Variants in TSPAN9 observed in about 807,000 individuals in gnomAD.
TSPAN9 encodes tetraspanin 9.
In TSPAN9, 16 loss-of-function variants were observed where a neutral mutation model predicts 31.0. The observed-to-expected ratio is 0.52, with a 90% CI of 0.35 to 0.78. TSPAN9 has a LOEUF of 0.78. Among genes scored for constraint, TSPAN9 ranks in the 30% least tolerant of loss-of-function variants. The pLI is 0.01. For synonymous variants in TSPAN9, 145 were observed against 121.6 expected (o/e 1.19, Z -1.27); for missense variants, 272 against 312.5 (o/e 0.87, Z 0.98).
intron 3 of TSPAN9, among the ~76,000 whole-genome samples, chr12:3,275,195 G>A (rs1220218540): frequency 6.6e-6 from 1 of 152,200 alleles, no homozygotes; most frequent in Non-Finnish European, 1.5e-5. Context: ...GAGCATCCCA[G>A]CACTTATCCC....
rs928639039 is a variant in TSPAN9, at chr12:3,170,235, TG to T, written c.-17-30941del. Among the ~76,000 whole-genome samples the T allele has an allele frequency of 4.1e-4, 62 of 152,234 alleles. 1 individual carries two copies. Among genetic ancestry groups the T allele is most frequent in the African/African-American group, 1.4e-3 (60 of 41,546 alleles). On this transcript the variant is annotated intron_variant, in intron 2 of 8. Coordinates refer to ENST00000011898, the MANE Select transcript of TSPAN9 (RefSeq NM_006675.5). This position sits in a 1 kb window ranked among gnomAD's most constrained non-coding sequence, Gnocchi z 4.4. ...TCTCTCCCATCCATCTCGTTTATGG[TG>T]TTTACAGGGAATATTCTGCACTGAT...
chr12:3,217,300 G>C (rs1565617963), intron 3 of TSPAN9, among the ~76,000 whole-genome samples: 1 of 152,210 alleles, frequency 6.6e-6, no homozygotes, highest in Non-Finnish European at 1.5e-5. Flanking sequence ...GTTGGCTGGG[G>C]TTGGGCTTAG....
At chr12:3,276,233 C>G (rs866899649) in intron 3 of TSPAN9, among the ~76,000 whole-genome samples, 1 of 152,334 alleles carries the variant, frequency 6.6e-6, no homozygotes, top group East Asian at 1.9e-4. Context: ...TCCCTCGGGC[C>G]CTCCCGCGGT....
intron 2 of TSPAN9, among the ~76,000 whole-genome samples, chr12:3,131,268 T>C (rs11610253): frequency 0.51 from 77,392 of 151,594 alleles, 21,917 homozygotes; most frequent in Admixed American, 0.61. Context: ...CACCGCGTGG[T>C]TGAGTAAATA....
chr12:3,156,388 C>T (rs1016314495), intron 2 of TSPAN9, among the ~76,000 whole-genome samples: 1 of 152,008 alleles, frequency 6.6e-6, no homozygotes, highest in Non-Finnish European at 1.5e-5. Context: ...GGTGGGGAGT[C>T]GGGGGGCCAG....
At position 3,201,181 on chromosome 12, in the gene TSPAN9, T is replaced by C. The variant is rs1349400658; in HGVS notation, c.-13T>C. 1 of 1,614,036 alleles carries C rather than the reference T, an allele frequency of 6.2e-7. No individual in the cohort carries two copies. The highest frequency in any genetic ancestry group is 1.1e-5 in the South Asian group (1 of 91,080). On this transcript the variant is annotated 5_prime_UTR_variant, in exon 3 of 9. Transcript: ENST00000011898. ...TGTCCTTTGTGTTCCTCCTAGAATT[T>C]AAGAAGTGCAACATGGCCAGGGGCT...
intron 2 of TSPAN9, among the ~76,000 whole-genome samples, chr12:3,109,182 C>G (rs564111103): frequency 1.3e-5 from 2 of 151,562 alleles, no homozygotes; most frequent in Non-Finnish European, 2.9e-5. Flanking sequence ...GTGATCCGCC[C>G]GCCTTGGCCT....
chr12:3,250,640 C>T (rs1862230842), intron 3 of TSPAN9, among the ~76,000 whole-genome samples: 1 of 152,236 alleles, frequency 6.6e-6, no homozygotes, highest in Non-Finnish European at 1.5e-5. Context: ...TTCTCCCACT[C>T]CCAGGCCTGG....
chr12:3,080,205 C>T (rs1465925826), intron 1 of TSPAN9, among the ~76,000 whole-genome samples: 2 of 152,158 alleles, frequency 1.3e-5, no homozygotes, highest in Non-Finnish European at 2.9e-5. Context: ...TAGAAATATT[C>T]TAGAGTCTCT....
chr12:3,225,391 T>A (rs2098386675), intron 3 of TSPAN9, among the ~76,000 whole-genome samples: 1 of 152,048 alleles, frequency 6.6e-6, no homozygotes. Flanking sequence ...GGTCACAGCA[T>A]TTTCTCTACC....
rs1268760594 is a variant in TSPAN9, at chr12:3,282,137, C to T, written c.648+320C>T. ...CTCAGAGAGCCATGCAAGACACACACGGTGTCCCCCGGTCACCATCTTTAC... is the reference window on the plus strand; with the variant it reads ...CTCAGAGAGCCATGCAAGACACACATGGTGTCCCCCGGTCACCATCTTTAC... On this transcript the variant is annotated intron_variant, in intron 8 of 8. Transcript: ENST00000011898. 100 of 617,752 alleles carry T rather than the reference C, an allele frequency of 1.6e-4. 1 individual carries two copies. The East Asian group carries it at 2.3e-3, about 14-fold the overall frequency. The allele number at this position is 617,752 out of a possible 1,614,324, so 38.3% of individuals were successfully genotyped here. A position where few individuals can be genotyped will look rare whatever the true frequency, so the allele number is the denominator to read the frequency against.
chr12:3,231,566 C>G (rs1260107048), intron 3 of TSPAN9, among the ~76,000 whole-genome samples: 1 of 152,232 alleles, frequency 6.6e-6, no homozygotes, highest in East Asian at 1.9e-4. Context: ...CCAGCCCACC[C>G]TAAAGAGGTC....
At chr12:3,274,030 G>A (rs146288062) in intron 3 of TSPAN9, among the ~76,000 whole-genome samples, 1 of 152,310 alleles carries the variant, frequency 6.6e-6, no homozygotes, top group East Asian at 1.9e-4. Context: ...TGCCTGGCGT[G>A]GGGGGATAGG....
intron 3 of TSPAN9, among the ~76,000 whole-genome samples, chr12:3,262,467 T>C (rs909190846): frequency 1.3e-5 from 2 of 152,180 alleles, no homozygotes; most frequent in Non-Finnish European, 2.9e-5. Context: ...TTTTTGCTAT[T>C]TTCAATATAT....
At chr12:3,164,223 A>G (rs898013171) in intron 2 of TSPAN9, among the ~76,000 whole-genome samples, 1 of 152,144 alleles carries the variant, frequency 6.6e-6, no homozygotes, top group African/African-American at 2.4e-5. Flanking sequence ...TATTATCAAA[A>G]CAGTCCTGGG....
At chr12:3,205,727 C>CG (rs67110656) in intron 3 of TSPAN9, among the ~76,000 whole-genome samples, 4 of 37,904 alleles carry the variant, frequency 1.1e-4, no homozygotes, top group Non-Finnish European at 3.4e-4. Flanking sequence ...GGCCCCCCCC[C>CG]CCCAGAGTGC....
intron 3 of TSPAN9, among the ~76,000 whole-genome samples, chr12:3,246,306 T>C (rs1342292483): frequency 6.6e-6 from 1 of 151,942 alleles, no homozygotes; most frequent in African/African-American, 2.4e-5. Flanking sequence ...ACTTCCAGCA[T>C]TGGGGGTTAC....
intron 3 of TSPAN9, among the ~76,000 whole-genome samples, chr12:3,230,338 A>G (rs548385653): frequency 2.6e-4 from 40 of 152,168 alleles, no homozygotes; most frequent in Non-Finnish European, 4.7e-4. Context: ...GGATGAAAAG[A>G]CAGGTCTTCC....
chr12:3,205,647 C>A (rs560365758), intron 3 of TSPAN9, among the ~76,000 whole-genome samples: 1 of 152,088 alleles, frequency 6.6e-6, no homozygotes, highest in South Asian at 2.1e-4. Flanking sequence ...AGCTTGGGTT[C>A]AGACCTGGCC....
Sources: allele counts gnomAD v4.1 joint callset (sites outside exome capture counted in the v4.1 genomes callset), GRCh38; gene constraint gnomAD v4.1.1; non-coding constraint Gnocchi (gnomAD v3.1); transcripts MANE v1.5; gene names NCBI Gene and HGNC (gene_info 2026-07-23, HGNC 2026-07-21).